Variants in FYB1 observed in about 807,000 individuals in gnomAD.
FYB1 encodes the protein FYN-binding protein 1.
In FYB1, 41 loss-of-function variants were observed where a neutral mutation model predicts 94.1. The ratio of observed to expected loss-of-function variants is 0.44; its 90% CI spans 0.34 to 0.57. The LOEUF is 0.57. Ranked by LOEUF, FYB1 falls within the 20% of genes least tolerant of loss-of-function variation. The probability of loss-of-function intolerance (pLI) is 0.02; values close to 1 mark genes in which losing one functional copy is unlikely to be tolerated. For missense variants in FYB1, 1,050 were observed against 976.8 expected, an observed-to-expected ratio of 1.07 and a Z score of -1.00; for synonymous variants, 367 against 353.2, an observed-to-expected ratio of 1.04 and a Z score of -0.44.
At chr5:39,176,080 G>C (rs891619005) in intron 2 of FYB1, among the ~76,000 whole-genome samples, 2 of 149,338 alleles carry the variant, frequency 1.3e-5, no homozygotes, top group African/African-American at 4.9e-5. Flanking sequence ...GTGCCCCACA[G>C]TGGCCTCTTC....
intron 1 of FYB1, among the ~76,000 whole-genome samples, chr5:39,265,063 C>G (rs660938): frequency 0.82 from 124,496 of 152,208 alleles, 52,938 homozygotes; most frequent in Non-Finnish European, 0.93. Context: ...TGGCCGGGTT[C>G]GGTGGCTCAC....
chr5:39,238,139 TAA>T (rs1751050536), intron 1 of FYB1, among the ~76,000 whole-genome samples: 1 of 152,038 alleles, frequency 6.6e-6, no homozygotes, highest in Non-Finnish European at 1.5e-5. Context: ...TAAAAATGGT[TAA>T]GATGGTAAAT....
At chr5:39,112,015 C>A (rs1410322658) in intron 16 of FYB1, among the ~76,000 whole-genome samples, 1 of 151,830 alleles carries the variant, frequency 6.6e-6, no homozygotes, top group Non-Finnish European at 1.5e-5. Flanking sequence ...ATAAGGTATA[C>A]ATAATAATTT....
chr5:39,186,942 G>A (rs979052638), intron 2 of FYB1, among the ~76,000 whole-genome samples: 1 of 151,988 alleles, frequency 6.6e-6, no homozygotes, highest in Non-Finnish European at 1.5e-5. Context: ...AACCCTCCTT[G>A]GGGTCCTACA....
intron 1 of FYB1, among the ~76,000 whole-genome samples, chr5:39,253,594 G>A (rs1158820687): frequency 2.0e-5 from 3 of 152,058 alleles, no homozygotes; most frequent in Non-Finnish European, 2.9e-5. Context: ...TTGTTACACA[G>A]GTAAATGTGT....
rs1159077952 is a variant in FYB1, at chr5:39,201,882, G to A, written c.1079C>T (p.Pro360Leu). 1 of 1,613,994 alleles carries A rather than the reference G, an allele frequency of 6.2e-7. No homozygotes were observed. Among genetic ancestry groups the A allele is most frequent in the Non-Finnish European group, 8.5e-7 (1 of 1,179,868 alleles). ...CAGGTCAACATTTGGTGGTCTGTTG[G>A]GTTTTGGTGGAGGTGGACCCAAGGT... Reference protein sequence around the residue: ...LFTLGPPPPKPNRPPNVDLTK... With the variant: ...LFTLGPPPPKLNRPPNVDLTK... The change falls in exon 2 of 19, where the codon CCC becomes CTC. Residue 360 changes from proline to leucine, a missense_variant. Physicochemically the swap from Pro to Leu is moderately conservative, Grantham distance 98 (BLOSUM62 -3). Coordinates refer to ENST00000512982, the MANE Select transcript of FYB1 (RefSeq NM_001465.6).
At chr5:39,201,678 G>T in intron 2 of FYB1, 148 bp downstream of exon 2, 1 of 747,954 alleles carries the variant, frequency 1.3e-6, no homozygotes, top group East Asian at 2.9e-5. Flanking sequence ...CCACATGAAA[G>T]AAAAAAACAA....
At chr5:39,165,219 A>G (rs1744609562) in intron 2 of FYB1, among the ~76,000 whole-genome samples, 1 of 152,242 alleles carries the variant, frequency 6.6e-6, no homozygotes, top group African/African-American at 2.4e-5. Flanking sequence ...TGGAGCCATC[A>G]CATTACCTGT....
intron 2 of FYB1, among the ~76,000 whole-genome samples, chr5:39,184,180 A>C (rs955625585): frequency 6.6e-6 from 1 of 152,210 alleles, no homozygotes; most frequent in African/African-American, 2.4e-5. Flanking sequence ...TATTATTCCC[A>C]AAAACTATCT....
At chr5:39,170,086 C>T (rs1447010010) in intron 2 of FYB1, 2 of 838,438 alleles carry the variant, frequency 2.4e-6, no homozygotes, top group Middle Eastern at 2.3e-4. Context: ...ATTTGCAGTG[C>T]CAGCTAAGAT....
intron 1 of FYB1, among the ~76,000 whole-genome samples, chr5:39,257,401 G>A (rs1751983620): frequency 6.8e-6 from 1 of 146,376 alleles, no homozygotes; most frequent in African/African-American, 2.7e-5. Flanking sequence ...TTTTGACTTA[G>A]GTTCGTCTTG....
At chr5:39,166,046 T>C (rs1744700183) in intron 2 of FYB1, among the ~76,000 whole-genome samples, 1 of 152,196 alleles carries the variant, frequency 6.6e-6, no homozygotes, top group African/African-American at 2.4e-5. Context: ...TATAAATTAG[T>C]ACAGCTTCTA....
intron 2 of FYB1, among the ~76,000 whole-genome samples, chr5:39,155,948 G>A (rs73089184): frequency 1.9e-3 from 285 of 152,214 alleles, no homozygotes; most frequent in African/African-American, 6.4e-3. Flanking sequence ...AAATAATATG[G>A]TTCAGTAGAT....
intron 1 of FYB1, among the ~76,000 whole-genome samples, chr5:39,246,100 C>T (rs568287856): frequency 6.6e-6 from 1 of 152,260 alleles, no homozygotes; most frequent in African/African-American, 2.4e-5. Context: ...CATGCCTAAT[C>T]TAGAGAGAAT....
intron 1 of FYB1, among the ~76,000 whole-genome samples, chr5:39,237,881 C>A (rs933785609): frequency 6.6e-6 from 1 of 152,068 alleles, no homozygotes; most frequent in Admixed American, 6.6e-5. Flanking sequence ...TCAGGGAATG[C>A]GGATTAATAG....
chr5:39,221,274 C>A (rs1220659493), upstream of FYB1, among the ~76,000 whole-genome samples: 1 of 152,156 alleles, frequency 6.6e-6, no homozygotes, highest in Non-Finnish European at 1.5e-5. Context: ...TAAGGTAATA[C>A]TCTAGGCATG....
chr5:39,134,634 G>A (rs764406218), intron 8 of FYB1, among the ~76,000 whole-genome samples: 11 of 152,110 alleles, frequency 7.2e-5, no homozygotes, highest in Non-Finnish European at 1.3e-4. Flanking sequence ...AATGCTGTTC[G>A]TTCCTCCTGG....
intron 2 of FYB1, among the ~76,000 whole-genome samples, chr5:39,188,208 T>G (rs1299859555): frequency 6.6e-6 from 1 of 152,218 alleles, no homozygotes; most frequent in Non-Finnish European, 1.5e-5. Context: ...AAGAACTTGT[T>G]CAGCTACTCC....
intron 2 of FYB1, among the ~76,000 whole-genome samples, chr5:39,180,651 C>T (rs1746139356): frequency 6.6e-6 from 1 of 152,128 alleles, no homozygotes; most frequent in South Asian, 2.1e-4. Context: ...GATGCTAATG[C>T]TGTTGCTGCT....
Sources: gnomAD v4.1 joint callset for allele counts (sites outside exome capture counted in the v4.1 genomes callset) on GRCh38, gnomAD v4.1.1 for gene constraint, MANE v1.5 for transcripts, NCBI Gene and HGNC (gene_info 2026-07-23, HGNC 2026-07-21) for gene names.